The following COL5A2 variants were observed in gnomAD, a reference collection of about 807,000 sequenced individuals.
COL5A2 encodes collagen type V alpha 2 chain.
In COL5A2, 23 loss-of-function variants were observed where a neutral mutation model predicts 208.2. That is an observed-to-expected ratio of 0.11 (90% CI 0.08 to 0.16). COL5A2 has a LOEUF of 0.16. Ranked by LOEUF, COL5A2 falls within the 10% of genes least tolerant of loss-of-function variation. COL5A2 has a pLI of 1.00. For synonymous variants in COL5A2, 625 were observed against 628.5 expected (o/e 0.99, Z 0.08); for missense variants, 1,590 against 1,956.4 (o/e 0.81, Z 3.53).
the COL5A2 span, among the ~76,000 whole-genome samples, chr2:189,422,977 T>G: frequency 4.6e-5 from 7 of 150,608 alleles, no homozygotes; most frequent in African/African-American, 1.7e-4. Flanking sequence ...GAGCCGAGAT[T>G]GTGCCGTTGC....
the COL5A2 span, among the ~76,000 whole-genome samples, chr2:189,332,267 T>C: frequency 6.6e-6 from 1 of 152,170 alleles, no homozygotes; most frequent in African/African-American, 2.4e-5. Context: ...GTATAGATAA[T>C]GTGAGTGCTA....
the COL5A2 span, among the ~76,000 whole-genome samples, chr2:189,357,763 G>GAAAAA: frequency 4.8e-4 from 60 of 123,974 alleles, 3 homozygotes; most frequent in African/African-American, 1.2e-3. Context: ...ACTCGGGTAT[G>GAAAAA]AAAAAAAAAA....
intron 31 of COL5A2, among the ~76,000 whole-genome samples, chr2:189,059,383 G>A (rs535112930): frequency 3.3e-5 from 5 of 151,966 alleles, no homozygotes; most frequent in African/African-American, 1.2e-4. Flanking sequence ...TCAAACCAGT[G>A]CAGTCATGTC....
At position 189,068,277 on chromosome 2, in the gene COL5A2, G is replaced by A; in HGVS notation, c.1258-7C>T. ...CATCAGTTCCTATTGCACCCTAAAAGGTACATTAAAAGTATGTAATGAAAT... is the reference window on the plus strand; with the variant it reads ...CATCAGTTCCTATTGCACCCTAAAAAGTACATTAAAAGTATGTAATGAAAT... On this transcript the variant is annotated splice_polypyrimidine_tract_variant and splice_region_variant and intron_variant, in intron 19 of 53. Coordinates refer to ENST00000374866, the MANE Select transcript of COL5A2 (RefSeq NM_000393.5). 1 of 1,609,656 alleles carries A rather than the reference G, an allele frequency of 6.2e-7. No individual in the cohort carries two copies. The highest frequency in any genetic ancestry group is 8.5e-7 in the Non-Finnish European group (1 of 1,176,336).
chr2:189,048,739 G>T (rs1020515679), intron 44 of COL5A2, among the ~76,000 whole-genome samples: 1 of 151,694 alleles, frequency 6.6e-6, no homozygotes, highest in Non-Finnish European at 1.5e-5. Context: ...ATCAAAAATT[G>T]TTCCAAAGGC....
the COL5A2 span, among the ~76,000 whole-genome samples, chr2:189,354,042 A>G: frequency 6.7e-6 from 1 of 149,154 alleles, no homozygotes; most frequent in African/African-American, 2.4e-5. Flanking sequence ...ATTGAGATAG[A>G]TGTTTTTGTC....
chr2:189,275,204 C>T, the COL5A2 span, among the ~76,000 whole-genome samples: 1 of 152,052 alleles, frequency 6.6e-6, no homozygotes. Context: ...CCTACTTTTG[C>T]ATAGAAGTTA....
the COL5A2 span, among the ~76,000 whole-genome samples, chr2:189,440,378 C>A: frequency 6.6e-6 from 1 of 152,194 alleles, no homozygotes; most frequent in Non-Finnish European, 1.5e-5. Flanking sequence ...CACACCTAGG[C>A]TGTACGTTAT....
the COL5A2 span, among the ~76,000 whole-genome samples, chr2:189,243,660 A>T: frequency 3.9e-5 from 6 of 152,164 alleles, no homozygotes; most frequent in Non-Finnish European, 8.8e-5. Context: ...CTCAAATCTC[A>T]TATCCTCACA....
intron 35 of COL5A2, 153 bp downstream of exon 35, chr2:189,056,820 G>A (rs1351488681): frequency 1.3e-6 from 1 of 755,590 alleles, no homozygotes; most frequent in African/African-American, 1.7e-5. Context: ...AATAAACCGT[G>A]GTTGAATCAC....
chr2:189,070,075 A>C (rs562078496), intron 18 of COL5A2, among the ~76,000 whole-genome samples: 1 of 152,318 alleles, frequency 6.6e-6, no homozygotes, highest in African/African-American at 2.4e-5. Context: ...GCTGGCAAAT[A>C]AAAATGCCTA....
chr2:189,091,403 G>A (rs544761448), intron 7 of COL5A2, among the ~76,000 whole-genome samples: 7 of 152,248 alleles, frequency 4.6e-5, no homozygotes, highest in African/African-American at 1.7e-4. Flanking sequence ...AAACTTCATT[G>A]TTGTCTTATT....
chr2:189,355,098 G>A, the COL5A2 span, among the ~76,000 whole-genome samples: 4 of 152,182 alleles, frequency 2.6e-5, no homozygotes, highest in African/African-American at 9.7e-5. Flanking sequence ...TTTTGAGTGA[G>A]TTTCTCAATC....
chr2:189,088,856 T>G, intron 7 of COL5A2, 84 bp from the exon 8 acceptor site: 6 of 1,035,090 alleles, frequency 5.8e-6, no homozygotes, highest in Non-Finnish European at 9.2e-6. Context: ...GTACACTCTC[T>G]AGAATTCTTA....
chr2:189,258,930 A>G, the COL5A2 span, among the ~76,000 whole-genome samples: 1 of 152,148 alleles, frequency 6.6e-6, no homozygotes. Flanking sequence ...GCCAGGGCAA[A>G]TTACCTGCCA....
the COL5A2 span, among the ~76,000 whole-genome samples, chr2:189,243,579 C>T: frequency 3.7e-3 from 568 of 152,274 alleles, 5 homozygotes; most frequent in African/African-American, 0.013. Context: ...CCTCATACAA[C>T]ACATGGGAAT....
the COL5A2 span, among the ~76,000 whole-genome samples, chr2:189,343,418 G>C: frequency 6.6e-6 from 1 of 151,942 alleles, no homozygotes; most frequent in African/African-American, 2.4e-5. Context: ...TTTTATATTT[G>C]AGAACATTCT....
chr2:189,039,218 G>C, intron 51 of COL5A2, 54 bp downstream of exon 51: 1 of 1,601,834 alleles, frequency 6.2e-7, no homozygotes, highest in Non-Finnish European at 8.5e-7. Flanking sequence ...ATGCAGTTGA[G>C]AATAAACAAT....
chr2:189,314,240 C>G, the COL5A2 span, among the ~76,000 whole-genome samples: 7 of 152,256 alleles, frequency 4.6e-5, no homozygotes, highest in East Asian at 1.3e-3. Context: ...TCATAACAAA[C>G]AGTCTCTCAG....
Sources: gnomAD v4.1 joint callset for allele counts (sites outside exome capture counted in the v4.1 genomes callset) on GRCh38, gnomAD v4.1.1 for gene constraint, MANE v1.5 for transcripts, NCBI Gene and HGNC (gene_info 2026-07-23, HGNC 2026-07-21) for gene names.